HTR2C: variants seen among roughly 807,000 people sequenced by gnomAD.
The protein encoded by HTR2C is 5-hydroxytryptamine receptor 2C, also known as 5-hydroxytryptamine (serotonin) receptor 2C, G protein-coupled.
A neutral mutation model predicts 21.0 loss-of-function variants in HTR2C; 5 were observed. The ratio of observed to expected loss-of-function variants is 0.24; its 90% CI spans 0.12 to 0.50. HTR2C has a LOEUF of 0.50. HTR2C is among the 20% of genes least tolerant of loss of function. HTR2C has a pLI of 0.98. For missense variants in HTR2C, 271 were observed against 371.2 expected, an observed-to-expected ratio of 0.73 and a Z score of 2.22; for synonymous variants, 150 against 145.3, an observed-to-expected ratio of 1.03 and a Z score of -0.23.
chrX:114,777,821 G>C (rs2070074510), intron 4 of HTR2C, among the ~76,000 whole-genome samples: 1 of 111,880 alleles, frequency 8.9e-6, no homozygotes, highest in South Asian at 3.7e-4. Context: ...GCCTCCCAAA[G>C]TGCTGGGATT....
intron 4 of HTR2C, among the ~76,000 whole-genome samples, chrX:114,813,658 A>C (rs1365961203): frequency 1.8e-5 from 2 of 111,213 alleles, no homozygotes; most frequent in African/African-American, 6.5e-5. Flanking sequence ...CTAAGCAGTG[A>C]GACCAGCTGC....
At chrX:114,813,952 A>G (rs1282343603) in intron 4 of HTR2C, among the ~76,000 whole-genome samples, 2 of 111,609 alleles carry the variant, frequency 1.8e-5, no homozygotes, top group Non-Finnish European at 3.8e-5. Flanking sequence ...TAGGATACAG[A>G]TATATGTAAG....
intron 4 of HTR2C, among the ~76,000 whole-genome samples, chrX:114,737,214 T>C (rs1437924949): frequency 3.4e-5 from 3 of 87,799 alleles, no homozygotes; most frequent in Admixed American, 1.3e-4. Context: ...CCTGGCTTTT[T>C]TTTTCTTTTC....
At chrX:114,826,127 G>A (rs1320034099) in intron 4 of HTR2C, among the ~76,000 whole-genome samples, 1 of 107,286 alleles carries the variant, frequency 9.3e-6, no homozygotes, top group Non-Finnish European at 1.9e-5. Flanking sequence ...TGCCCAGTCT[G>A]GAGGGCCATG....
intron 2 of HTR2C, among the ~76,000 whole-genome samples, chrX:114,724,632 A>G (rs1390845353): frequency 2.0e-5 from 2 of 99,200 alleles, no homozygotes; most frequent in East Asian, 3.3e-4. Context: ...ACAATTTGGC[A>G]TGATTTTGCA....
At chrX:114,801,707 G>A (rs146357302) in intron 4 of HTR2C, among the ~76,000 whole-genome samples, 1,195 of 110,752 alleles carry the variant, frequency 0.011, 18 homozygotes, top group African/African-American at 0.037. Context: ...AGATGTGTTC[G>A]TTTATGGGGT....
At chrX:114,812,746 A>G (rs1444816031) in intron 4 of HTR2C, among the ~76,000 whole-genome samples, 7 of 22,602 alleles carry the variant, frequency 3.1e-4, no homozygotes, top group Middle Eastern at 0.018. Context: ...ACAAACAAAC[A>G]AACAAACAAA....
intron 4 of HTR2C, among the ~76,000 whole-genome samples, chrX:114,789,813 G>T (rs1028457621): frequency 9.0e-6 from 1 of 111,214 alleles, no homozygotes; most frequent in Non-Finnish European, 1.9e-5. Context: ...GCGGACTAAG[G>T]CACCTTAGGT....
intron 4 of HTR2C, among the ~76,000 whole-genome samples, chrX:114,844,844 A>G (rs1556466824): frequency 4.5e-5 from 5 of 111,801 alleles, no homozygotes; most frequent in Non-Finnish European, 9.4e-5. Flanking sequence ...GTACCTAACA[A>G]CAGAGCCCAA....
chrX:114,878,352 A>G (rs2071155003), intron 5 of HTR2C, among the ~76,000 whole-genome samples: 1 of 110,646 alleles, frequency 9.0e-6, no homozygotes, highest in Non-Finnish European at 1.9e-5. Context: ...ATTATCAATA[A>G]TAGGAAATCA....
intron 2 of HTR2C, among the ~76,000 whole-genome samples, chrX:114,644,140 C>T (rs1438122298): frequency 1.9e-5 from 2 of 106,553 alleles, no homozygotes; most frequent in African/African-American, 3.4e-5. Flanking sequence ...GTCAGGAGTT[C>T]GAGACCAGCC....
chrX:114,810,551 T>G, intron 4 of HTR2C, among the ~76,000 whole-genome samples: 2 of 109,153 alleles, frequency 1.8e-5, no homozygotes, highest in East Asian at 5.8e-4. Context: ...TGAGTTCCAA[T>G]GCAAAGTCCC....
At chrX:114,716,498 G>T (rs1484151185) in intron 2 of HTR2C, among the ~76,000 whole-genome samples, 3 of 110,720 alleles carry the variant, frequency 2.7e-5, no homozygotes, top group Admixed American at 9.7e-5. Flanking sequence ...GGAGGAACAG[G>T]TAAATCTATT....
intron 4 of HTR2C, among the ~76,000 whole-genome samples, chrX:114,802,737 T>TCTTTCTTC (rs2070361663): frequency 3.0e-5 from 3 of 100,856 alleles, no homozygotes; most frequent in South Asian, 4.4e-4. Flanking sequence ...TTTCTTTCTT[T>TCTTTCTTC]CTTATTATTA....
chrX:114,787,284 C>T (rs1187532427), intron 4 of HTR2C, among the ~76,000 whole-genome samples: 3 of 112,032 alleles, frequency 2.7e-5, no homozygotes, highest in African/African-American at 9.7e-5. Flanking sequence ...TTGTAGTACA[C>T]ATTGCATCAG....
chrX:114,610,248 G>A (rs917583172), intron 1 of HTR2C, among the ~76,000 whole-genome samples: 1 of 111,627 alleles, frequency 9.0e-6, no homozygotes, highest in Non-Finnish European at 1.9e-5. Flanking sequence ...TTAATGCACG[G>A]TAATGTGGGC....
At chrX:114,620,520 A>C (rs1556401449) in intron 2 of HTR2C, among the ~76,000 whole-genome samples, 1 of 111,657 alleles carries the variant, frequency 9.0e-6, no homozygotes, top group Non-Finnish European at 1.9e-5. Context: ...ATATTGCCTG[A>C]ATATATGACT....
chrX:114,862,168 A>C (rs1025455393), intron 5 of HTR2C, among the ~76,000 whole-genome samples: 92 of 111,233 alleles, frequency 8.3e-4, no homozygotes, highest in Non-Finnish European at 1.3e-3. Context: ...GCATGATGTC[A>C]GATAAGGGTC....
intron 2 of HTR2C, among the ~76,000 whole-genome samples, chrX:114,691,857 A>G (rs1170291891): frequency 8.9e-6 from 1 of 112,049 alleles, no homozygotes; most frequent in Non-Finnish European, 1.9e-5. Flanking sequence ...TATCTTCTTG[A>G]TACAATTACT....
Sources: gnomAD v4.1 joint callset for allele counts (sites outside exome capture counted in the v4.1 genomes callset) on GRCh38, gnomAD v4.1.1 for gene constraint, MANE v1.5 for transcripts, NCBI Gene and HGNC (gene_info 2026-07-23, HGNC 2026-07-21) for gene names.